The following USP42 variants were observed in gnomAD, a reference collection of about 807,000 sequenced individuals.
USP42 encodes the protein ubiquitin carboxyl-terminal hydrolase 42.
In USP42, 23 loss-of-function variants were observed where a neutral mutation model predicts 113.0. That is an observed-to-expected ratio of 0.20 (90% CI 0.15 to 0.29). The LOEUF (loss-of-function observed/expected upper bound fraction) is 0.29. Ranked by LOEUF, USP42 falls within the 10% of genes least tolerant of loss-of-function variation. USP42 has a pLI of 1.00. For missense variants in USP42, 2,174 were observed against 1,779.8 expected, an observed-to-expected ratio of 1.22 and a Z score of -3.99; for synonymous variants, 933 against 699.0, an observed-to-expected ratio of 1.33 and a Z score of -5.28.
chr7:6,147,481 C>T (rs1434206757), intron 11 of USP42, among the ~76,000 whole-genome samples: 1 of 152,106 alleles, frequency 6.6e-6, no homozygotes, highest in African/African-American at 2.4e-5. Flanking sequence ...AAAGAAATAC[C>T]TTTCAGATGA....
intron 3 of USP42, among the ~76,000 whole-genome samples, chr7:6,119,495 G>A (rs1277269202): frequency 6.6e-6 from 1 of 151,954 alleles, no homozygotes; most frequent in Non-Finnish European, 1.5e-5. Flanking sequence ...AGTTGTTCTG[G>A]CTCTTCATGG....
In USP42 at chr7:6,107,930, A is replaced by C. The variant is rs138464754; in HGVS notation, c.-10+2898A>C. On this transcript the variant is annotated intron_variant, in intron 1 of 17. Transcript: ENST00000306177. Reference sequence around the variant, plus strand: ...ATCTTTTCTATTTCTACTTGAGTTCAGAAACTTTAAGATTGTATTTTTTTG... The same window carrying C: ...ATCTTTTCTATTTCTACTTGAGTTCCGAAACTTTAAGATTGTATTTTTTTG... 4.4e-3 allele frequency among the ~76,000 whole-genome samples: 672 copies of C among 152,102 alleles called. 4 individuals carry two copies. Among genetic ancestry groups the C allele is most frequent in the African/African-American group, 0.016 (650 of 41,346 alleles).
chr7:6,098,670 G>C, the USP42 span, among the ~76,000 whole-genome samples: 1 of 150,310 alleles, frequency 6.7e-6, no homozygotes, highest in East Asian at 1.9e-4. Context: ...TCCTGCCTCA[G>C]CCTCCTGAGT....
chr7:6,091,975 TTTTTTCTTCTTCTTC>T, the USP42 span, among the ~76,000 whole-genome samples: 170 of 132,380 alleles, frequency 1.3e-3, 11 homozygotes, highest in African/African-American at 4.3e-3. Context: ...CAAGGACGTA[TTTTTTCTTCTTCTTC>T]TTCTTCTTCT....
intron 15 of USP42, among the ~76,000 whole-genome samples, chr7:6,155,964 G>A (rs1407268230): frequency 6.6e-6 from 1 of 152,040 alleles, no homozygotes; most frequent in Admixed American, 6.5e-5. Flanking sequence ...ACTATGCCGC[G>A]CACGCTGTTC....
intron 3 of USP42, among the ~76,000 whole-genome samples, chr7:6,132,464 T>C (rs930455018): frequency 6.6e-6 from 1 of 151,082 alleles, no homozygotes; most frequent in Non-Finnish European, 1.5e-5. Flanking sequence ...TTCAAGTGAT[T>C]CTCCTGTCTC....
chr7:6,153,686 C>T, intron 14 of USP42, 70 bp from the exon 15 acceptor site: 2 of 1,386,414 alleles, frequency 1.4e-6, no homozygotes, highest in African/African-American at 1.5e-5. Flanking sequence ...AGTATTTGTC[C>T]TTGTAATGCA....
chr7:6,144,645 A>G (rs1047288463), intron 9 of USP42, among the ~76,000 whole-genome samples: 2 of 152,186 alleles, frequency 1.3e-5, no homozygotes, highest in Admixed American at 6.5e-5. Context: ...CTAGTTGGGC[A>G]TATCACTTCA....
chr7:6,125,297 T>C (rs983465917), intron 3 of USP42, among the ~76,000 whole-genome samples: 6 of 152,004 alleles, frequency 3.9e-5, no homozygotes, highest in African/African-American at 1.4e-4. Flanking sequence ...GAGACCAGCC[T>C]GGTCAATATG....
rs573544493 is a variant in USP42 at position 6,117,169 on chromosome 7, C to T, written c.442+1646C>T. Among the ~76,000 whole-genome samples the T allele has an allele frequency of 7.6e-4, 116 of 152,236 alleles. 2 individuals carry two copies. In the South Asian group the frequency reaches 0.02, roughly 26 times the overall value. ...ATGTTCATCACCCTCAAAAGTTCCCCGATGCCCCTTTGAAATCACCCTTTC... is the reference window on the plus strand; with the variant it reads ...ATGTTCATCACCCTCAAAAGTTCCCTGATGCCCCTTTGAAATCACCCTTTC... On this transcript the variant is annotated intron_variant, in intron 3 of 17. Coordinates refer to ENST00000306177, the MANE Select transcript of USP42 (RefSeq NM_032172.3).
At chr7:6,099,655 C>G in the USP42 span, among the ~76,000 whole-genome samples, 2 of 149,770 alleles carry the variant, frequency 1.3e-5, no homozygotes, top group East Asian at 4.0e-4. Flanking sequence ...CCCCAATTTT[C>G]CCTCTTTAAA....
chr7:6,150,244 G>A lies in USP42; in HGVS notation c.2048G>A (p.Gly683Asp). 6.2e-7 allele frequency: 1 copy of A among 1,613,784 alleles called. No homozygotes were observed. Among genetic ancestry groups the A allele is most frequent in the South Asian group, 1.1e-5 (1 of 91,080 alleles). Residue 683 changes from glycine (G) to aspartate (D), a missense_variant, in exon 13 of 18, where the codon GGC becomes GAC. Gly to Asp is a moderately conservative substitution (Grantham distance 94, BLOSUM62 -1). Coordinates refer to ENST00000306177, the MANE Select transcript of USP42 (RefSeq NM_032172.3). ...GCGCCTGATGGTGCCAGCTGCCAAG[G>A]CCAGCCTGCCCTGCACTCAGAAAAT... is the stretch of plus-strand genomic sequence containing the variant. The part of the protein sequence containing the change: ...GLAPDGASCQ[G>D]QPALHSENPF...
intron 2 of USP42, among the ~76,000 whole-genome samples, chr7:6,112,415 AT>A (rs1469067432): frequency 6.6e-6 from 1 of 152,142 alleles, no homozygotes; most frequent in Non-Finnish European, 1.5e-5. Flanking sequence ...GCACCATTGC[AT>A]TTCAGCCTGG....
chr7:6,149,649 A>G lies in USP42; in HGVS notation c.1453A>G (p.Asn485Asp), dbSNP rs773451113. 6 of 1,613,848 alleles carry G rather than the reference A, an allele frequency of 3.7e-6. No homozygotes were observed. Among genetic ancestry groups the G allele is most frequent in the Middle Eastern group, 1.6e-4 (1 of 6,084 alleles). Reference protein sequence around the residue: ...DTPSSSMSSPNGNSSVNRASP... With the variant: ...DTPSSSMSSPDGNSSVNRASP... ...GCCAAGCAGTTCCATGTCGAGTCCT[A>G]ACGGGAATTCCAGTGTCAACAGGGC... is the stretch of plus-strand genomic sequence containing the variant. The change falls in exon 13 of 18, where the codon AAC becomes GAC. Residue 485 changes from asparagine to aspartate, a missense_variant. Coordinates refer to ENST00000306177, the MANE Select transcript of USP42 (RefSeq NM_032172.3).
chr7:6,130,293 C>T (rs1780781607), intron 3 of USP42, among the ~76,000 whole-genome samples: 1 of 152,222 alleles, frequency 6.6e-6, no homozygotes, highest in African/African-American at 2.4e-5. Flanking sequence ...TCCGTTGGCA[C>T]CCCAGGTGGG....
At chr7:6,105,417 CG>C (rs944668657) in intron 1 of USP42, among the ~76,000 whole-genome samples, 9 of 148,498 alleles carry the variant, frequency 6.1e-5, no homozygotes, top group African/African-American at 2.2e-4. Flanking sequence ...TCGGGGCGGC[CG>C]GGGTGGGCGT....
rs1252194591 is a variant in USP42 at position 6,111,308 on chromosome 7, G to C, written c.175G>C (p.Gly59Arg). 1.2e-6 allele frequency: 2 copies of C among 1,608,984 alleles called. No individual in the cohort carries two copies. Among genetic ancestry groups the C allele is most frequent in the Admixed American group, 1.7e-5 (1 of 58,958 alleles). ...CACACTTTCTTTAGGACCAGTACCT[G>C]GTGCTGTAGTTTATTCGAGTTCATC... ...NHTLSLGPVPGAVVYSSSSVP... is the reference protein window; with the variant it reads ...NHTLSLGPVPRAVVYSSSSVP... Residue 59 changes from glycine to arginine, a missense_variant, in exon 2 of 18, where the codon GGT becomes CGT. Physicochemically the swap from Gly to Arg is moderately radical, Grantham distance 125. Coordinates refer to ENST00000306177, the MANE Select transcript of USP42 (RefSeq NM_032172.3).
upstream of USP42, among the ~76,000 whole-genome samples, chr7:6,104,250 T>A (rs536766031): frequency 6.6e-6 from 1 of 151,128 alleles, no homozygotes; most frequent in East Asian, 2.0e-4. Flanking sequence ...GCCCGGCTAA[T>A]TTTTTGTATC....
chr7:6,153,889 C>T lies in USP42; in HGVS notation c.2335C>T (p.Arg779Cys), dbSNP rs61729725. ...LSSTKKAPPP[R>C]DPGTPATKEG... Reference sequence around the variant, plus strand: ...CAGCACCAAGAAGGCTCCGCCGCCCCGCGATCCCGGCACCCCCGCTACCAA... The same window carrying T: ...CAGCACCAAGAAGGCTCCGCCGCCCTGCGATCCCGGCACCCCCGCTACCAA... The change falls in exon 15 of 18, where the codon CGC (arginine) becomes TGC (cysteine). Residue 779 changes from arginine to cysteine, a missense_variant. Physicochemically the swap from Arg to Cys is radical, Grantham distance 180. Coordinates refer to ENST00000306177, the MANE Select transcript of USP42 (RefSeq NM_032172.3). The T allele has an allele frequency of 8.5e-4, 1,336 of 1,577,296 alleles. 13 individuals are homozygous for T. The African/African-American group carries it at 0.016, about 19-fold the overall frequency.
Sources: gnomAD v4.1 joint callset for allele counts (sites outside exome capture counted in the v4.1 genomes callset) on GRCh38, gnomAD v4.1.1 for gene constraint, MANE v1.5 for transcripts, NCBI Gene and HGNC (gene_info 2026-07-23, HGNC 2026-07-21) for gene names.